The following APBB2 variants were observed in gnomAD, a reference collection of about 807,000 sequenced individuals.
The protein encoded by APBB2 is amyloid beta precursor protein binding family B member 2.
In APBB2, 38 loss-of-function variants were observed where a neutral mutation model predicts 82.5. That is an observed-to-expected ratio of 0.46 (90% CI 0.36 to 0.60). The LOEUF (loss-of-function observed/expected upper bound fraction) is 0.60, where lower values mean the gene tolerates loss of function less well. Ranked by LOEUF, APBB2 falls within the 20% of genes least tolerant of loss-of-function variation. APBB2 has a pLI of 0.00. For synonymous variants in APBB2, 341 were observed against 368.2 expected (o/e 0.93, Z 0.85); for missense variants, 772 against 972.3 (o/e 0.79, Z 2.74).
At chr4:41,176,145 G>A (rs891017684) in intron 1 of APBB2, among the ~76,000 whole-genome samples, 1 of 152,134 alleles carries the variant, frequency 6.6e-6, no homozygotes, top group Non-Finnish European at 1.5e-5. Context: ...GAATATTTAA[G>A]AGATTCTGGT....
rs146769851 is a variant in APBB2 at position 40,862,598 on chromosome 4, C to T, written c.1529+27766G>A. 1.5e-3 allele frequency among the ~76,000 whole-genome samples: 231 copies of T among 152,336 alleles called. 3 individuals carry two copies. Among genetic ancestry groups the T allele is most frequent in the African/African-American group, 4.8e-3 (201 of 41,580 alleles). On this transcript the variant is annotated intron_variant, in intron 12 of 17. Transcript: ENST00000508593. ...GGTCCTAGCCGGGCACCGCGGCTCA[C>T]GCCTGTAATCCCAGAACTTCGGGAG...
intron 6 of APBB2, among the ~76,000 whole-genome samples, chr4:41,007,969 A>G (rs1208642091): frequency 6.6e-6 from 1 of 152,240 alleles, no homozygotes; most frequent in African/African-American, 2.4e-5. Context: ...GGACTTTATA[A>G]GGACTTTATA....
intron 1 of APBB2, among the ~76,000 whole-genome samples, chr4:41,155,043 A>C (rs772785548): frequency 1.3e-5 from 2 of 152,238 alleles, no homozygotes; most frequent in Non-Finnish European, 2.9e-5. Flanking sequence ...AATCATAAGT[A>C]GTTTGAACAA....
chr4:41,117,847 G>A (rs893228933), intron 2 of APBB2, among the ~76,000 whole-genome samples: 4 of 152,110 alleles, frequency 2.6e-5, no homozygotes, highest in Admixed American at 2.6e-4. Context: ...TATGTGTCAG[G>A]CAACTGTTCT....
intron 6 of APBB2, among the ~76,000 whole-genome samples, chr4:40,951,570 C>G (rs1303396198): frequency 6.6e-6 from 1 of 152,246 alleles, no homozygotes; most frequent in Non-Finnish European, 1.5e-5. Context: ...ACCTTCGTAT[C>G]GTGGCTCAGC....
chr4:40,859,863 CACTG>C (rs1427259872), intron 12 of APBB2, among the ~76,000 whole-genome samples: 4 of 152,174 alleles, frequency 2.6e-5, no homozygotes, highest in African/African-American at 9.7e-5. Flanking sequence ...AGAGCCTTTG[CACTG>C]ACTGTGACCC....
At chr4:40,974,323 AAT>A (rs1189000181) in intron 6 of APBB2, among the ~76,000 whole-genome samples, 1 of 152,172 alleles carries the variant, frequency 6.6e-6, no homozygotes, top group Non-Finnish European at 1.5e-5. Context: ...TCAACTTATT[AAT>A]ATAGTGAATG....
At chr4:40,967,807 A>T (rs1335202932) in intron 6 of APBB2, among the ~76,000 whole-genome samples, 1 of 152,182 alleles carries the variant, frequency 6.6e-6, no homozygotes, top group Admixed American at 6.5e-5. Flanking sequence ...CAGAGGTTTC[A>T]TGCCAGAAGA....
At position 41,100,743 on chromosome 4, in the gene APBB2, AGATC is replaced by A. The variant is rs1234779145; in HGVS notation, c.-257_-254del. ...CCCAAGGAGGTCAGGCAGCCCAAAG[AGATC>A]GATCTAGAAAGTGTGTAGAGACAAA... On this transcript the variant is annotated 5_prime_UTR_variant, in exon 3 of 18. Coordinates refer to ENST00000508593, the MANE Select transcript of APBB2 (RefSeq NM_004307.2). 4 of 152,226 alleles carry A rather than the reference AGATC, an allele frequency of 2.6e-5. No homozygotes were observed. Among genetic ancestry groups the A allele is most frequent in the Non-Finnish European group, 5.9e-5 (4 of 68,034 alleles). 9.4% of individuals were successfully genotyped at this position (152,226 alleles called of 1,614,324 possible). A position where few individuals can be genotyped will look rare whatever the true frequency, so the allele number is the denominator to read the frequency against.
At chr4:40,934,425 A>C in intron 10 of APBB2, 31 bp downstream of exon 10, 1 of 1,599,040 alleles carries the variant, frequency 6.3e-7, no homozygotes, top group Non-Finnish European at 8.6e-7. Context: ...TAAGAATATA[A>C]CCTGGTGGCT....
chr4:40,917,384 A>G (rs544141761), intron 10 of APBB2, among the ~76,000 whole-genome samples: 1 of 152,256 alleles, frequency 6.6e-6, no homozygotes, highest in Admixed American at 6.5e-5. Flanking sequence ...AGCAGCAGAG[A>G]CGGGTGAACA....
At chr4:40,893,510 A>T in intron 10 of APBB2, 99 bp from the exon 11 acceptor site, 1 of 1,117,086 alleles carries the variant, frequency 9.0e-7, no homozygotes, top group Non-Finnish European at 1.2e-6. Context: ...TACTACACTT[A>T]ATGCACCTTT....
intron 10 of APBB2, among the ~76,000 whole-genome samples, chr4:40,922,148 C>T (rs1578449774): frequency 6.6e-6 from 1 of 152,342 alleles, no homozygotes; most frequent in East Asian, 1.9e-4. Flanking sequence ...GCTTAGTGAA[C>T]TCATCTAACC....
At position 41,016,932 on chromosome 4, in the gene APBB2, G is replaced by C. The variant is rs116159385; in HGVS notation, c.20-2534C>G. On this transcript the variant is annotated intron_variant, in intron 5 of 17. Coordinates refer to ENST00000508593, the MANE Select transcript of APBB2 (RefSeq NM_004307.2). ...TACTTTTGAGACAGGGTCTTGCTCT[G>C]TCACCCAGGCTGGAGTACAAGTGGC... Among the ~76,000 whole-genome samples, 357 of 152,142 alleles carry C rather than the reference G, an allele frequency of 2.3e-3. 4 individuals are homozygous for C. Among genetic ancestry groups the C allele is most frequent in the African/African-American group, 8.2e-3 (341 of 41,510 alleles).
chr4:40,993,109 C>T (rs1378993138), intron 6 of APBB2, among the ~76,000 whole-genome samples: 1 of 152,182 alleles, frequency 6.6e-6, no homozygotes, highest in Admixed American at 6.5e-5. Context: ...TGTCTTGTTT[C>T]AGTTAATCAT....
intron 5 of APBB2, among the ~76,000 whole-genome samples, chr4:41,025,842 G>A (rs1468042751): frequency 6.8e-6 from 1 of 146,978 alleles, no homozygotes; most frequent in East Asian, 2.0e-4. Flanking sequence ...ATCTCTTGAA[G>A]CTGGGATGGT....
intron 2 of APBB2, among the ~76,000 whole-genome samples, chr4:41,112,641 T>G (rs1749595848): frequency 6.6e-6 from 1 of 152,220 alleles, no homozygotes; most frequent in African/African-American, 2.4e-5. Flanking sequence ...TCAAAAAACC[T>G]GTAAATACAA....
At chr4:41,167,997 G>A (rs11736343) in intron 1 of APBB2, among the ~76,000 whole-genome samples, 28,818 of 152,170 alleles carry the variant, frequency 0.19, 2,849 homozygotes, top group Middle Eastern at 0.26. Context: ...TTGGCTGGGC[G>A]TGGTGGCTCA....
At chr4:40,905,937 T>A (rs1026381132) in intron 10 of APBB2, among the ~76,000 whole-genome samples, 5 of 151,848 alleles carry the variant, frequency 3.3e-5, no homozygotes, top group Admixed American at 6.6e-5. Context: ...GAGAATGAGT[T>A]TGATGAAGGT....
Sources: gnomAD v4.1 joint callset for allele counts (sites outside exome capture counted in the v4.1 genomes callset) on GRCh38, gnomAD v4.1.1 for gene constraint, MANE v1.5 for transcripts, NCBI Gene and HGNC (gene_info 2026-07-23, HGNC 2026-07-21) for gene names.